MYO6: variants seen among roughly 807,000 people sequenced by gnomAD.
MYO6 encodes the protein unconventional myosin-VI.
Under a neutral mutation model 178.7 loss-of-function variants are expected in MYO6, and 74 were observed. The observed-to-expected ratio is 0.41, with a 90% confidence interval of 0.34 to 0.50. The LOEUF is 0.50. MYO6 is among the 20% of genes least tolerant of loss of function. The pLI is 0.09. For synonymous variants in MYO6, 477 were observed against 504.6 expected, an observed-to-expected ratio of 0.95 and a Z score of 0.73; for missense variants, 1,330 against 1,547.4, an observed-to-expected ratio of 0.86 and a Z score of 2.36.
chr6:75,791,066 T>TG (rs1768182809), intron 1 of MYO6, among the ~76,000 whole-genome samples: 1 of 152,094 alleles, frequency 6.6e-6, no homozygotes, highest in African/African-American at 2.4e-5. Flanking sequence ...CCCGAGTAGC[T>TG]GGACTACAGG....
At chr6:75,841,121 T>TA (rs1774178012) in intron 8 of MYO6, 93 bp from the exon 9 acceptor site, 8 of 1,108,408 alleles carry the variant, frequency 7.2e-6, no homozygotes, top group Non-Finnish European at 9.2e-6. Context: ...GATAGACAAA[T>TA]GGTATTAGAA....
chr6:75,866,275 C>CTGTGTGTGTGTGGG (rs554004002), intron 16 of MYO6, among the ~76,000 whole-genome samples: 8 of 119,132 alleles, frequency 6.7e-5, no homozygotes, highest in South Asian at 2.9e-4. Flanking sequence ...GTCTCTGTCT[C>CTGTGTGTGTGTGGG]TGTGTGTGTG....
chr6:75,809,973 C>G (rs189551762), intron 1 of MYO6, among the ~76,000 whole-genome samples: 39 of 149,882 alleles, frequency 2.6e-4, no homozygotes, highest in African/African-American at 9.3e-4. Flanking sequence ...AGTCCTAGCT[C>G]CTGTAGAGGC....
At chr6:75,845,038 T>G in intron 10 of MYO6, 61 bp downstream of exon 10, 2 of 1,360,722 alleles carry the variant, frequency 1.5e-6, no homozygotes, top group Non-Finnish European at 2.1e-6. Context: ...CTGAAAGATG[T>G]GTTATAATTT....
intron 1 of MYO6, among the ~76,000 whole-genome samples, chr6:75,806,835 C>T (rs541853812): frequency 2.6e-5 from 4 of 152,314 alleles, no homozygotes; most frequent in South Asian, 2.1e-4. Flanking sequence ...TTAATAAATA[C>T]GTGGGTAAAT....
At chr6:75,827,547 A>G (rs920860573) in intron 3 of MYO6, among the ~76,000 whole-genome samples, 3 of 152,162 alleles carry the variant, frequency 2.0e-5, no homozygotes, top group Non-Finnish European at 2.9e-5. Flanking sequence ...ACTTTAGTTA[A>G]TGTGCTGAGA....
At position 75,830,524 on chromosome 6, in the gene MYO6, C is replaced by A. The variant is rs1423194791; in HGVS notation, c.370C>A (p.Pro124Thr). ...TCAAGGAAAATCTCTTGGGACAAGA[C>A]CACCTCATGTCTTTGCAATTGGTAA... ...SYQGKSLGTR[P>T]PHVFAIADKA... Residue 124 changes from proline (P) to threonine (T), a missense_variant, in exon 5 of 35, where the codon CCA becomes ACA. Around this residue, in one of 3 missense-constraint regions of MYO6, gnomAD observed 613 missense variants for 816.8 expected, o/e 0.75. Transcript: ENST00000369977. The A allele has an allele frequency of 1.2e-6, 2 of 1,611,664 alleles. No homozygotes were observed. Among genetic ancestry groups the A allele is most frequent in the Non-Finnish European group, 1.7e-6 (2 of 1,178,068 alleles).
At chr6:75,772,615 A>G (rs1412475991) in intron 1 of MYO6, among the ~76,000 whole-genome samples, 2 of 152,216 alleles carry the variant, frequency 1.3e-5, no homozygotes, top group African/African-American at 4.8e-5. Flanking sequence ...GACTAAGAAC[A>G]CATGTGGAGA....
chr6:75,883,051 C>G (rs1778167705), intron 23 of MYO6, among the ~76,000 whole-genome samples: 1 of 152,136 alleles, frequency 6.6e-6, no homozygotes. Context: ...TAAAGGACAT[C>G]TGTTCATTGA....
At chr6:75,841,512 G>A in intron 9 of MYO6, 134 bp downstream of exon 9, 1 of 774,238 alleles carries the variant, frequency 1.3e-6, no homozygotes, top group Non-Finnish European at 2.0e-6. Flanking sequence ...AATGTAGCGA[G>A]ACCCTGTCTC....
intron 14 of MYO6, among the ~76,000 whole-genome samples, chr6:75,859,545 C>G (rs1438637759): frequency 6.6e-6 from 1 of 152,120 alleles, no homozygotes; most frequent in Admixed American, 6.5e-5. Context: ...AGTAATCTGC[C>G]TGCCTCATCT....
At chr6:75,865,126 C>CT (rs35354003) in intron 16 of MYO6, 25,765 of 144,892 alleles carry the variant, frequency 0.18, 2,357 homozygotes, top group Non-Finnish European at 0.21. Flanking sequence ...TTTTCTTTTT[C>CT]TTTTTTTTTT....
chr6:75,824,016 A>G (rs756942918), intron 3 of MYO6, among the ~76,000 whole-genome samples: 1 of 152,354 alleles, frequency 6.6e-6, no homozygotes, highest in Admixed American at 6.5e-5. Flanking sequence ...TAGCAATCAG[A>G]ATAAAATAAT....
intron 23 of MYO6, among the ~76,000 whole-genome samples, chr6:75,883,333 T>TA (rs34301292): frequency 0.4 from 60,260 of 151,866 alleles, 12,856 homozygotes; most frequent in Middle Eastern, 0.54. Context: ...AGATAGTCCA[T>TA]AGAGCTGGCT....
chr6:75,887,159 T>C lies in MYO6; in HGVS notation c.2658+165T>C, dbSNP rs117909229. Among the ~76,000 whole-genome samples, 36 of 152,344 alleles carry C rather than the reference T, an allele frequency of 2.4e-4. No homozygotes were observed. In the East Asian group the frequency reaches 6.5e-3, roughly 28 times the overall value. On this transcript the variant is annotated intron_variant, in intron 25 of 34. Transcript: ENST00000369977. ...GCTCATCATTATTACCTCTACTCTT[T>C]ATGTTTGAAAAATTTCATAGCAAAA...
At chr6:75,879,716 A>G in intron 20 of MYO6, 104 bp from the exon 21 acceptor site, 2 of 1,502,034 alleles carry the variant, frequency 1.3e-6, no homozygotes, top group Non-Finnish European at 1.9e-6. Context: ...AATTCTCATA[A>G]ATTGCCCGTT....
chr6:75,903,912 G>A (rs569072947), intron 30 of MYO6, among the ~76,000 whole-genome samples: 3 of 151,076 alleles, frequency 2.0e-5, no homozygotes, highest in Non-Finnish European at 3.0e-5. Context: ...AGCTCTTTTA[G>A]GGCAGGCCTG....
rs549508976 is a variant in MYO6 at position 75,907,751 on chromosome 6, G to T, written c.3280+43G>T. Reference sequence around the variant, plus strand: ...ATCAAAAATAGAAAATGTTCATAGTGATAGGTGATAAATACCTAGATTAGG... The same window carrying T: ...ATCAAAAATAGAAAATGTTCATAGTTATAGGTGATAAATACCTAGATTAGG... On this transcript the variant is annotated intron_variant, in intron 31 of 34. Coordinates refer to ENST00000369977, the MANE Select transcript of MYO6 (RefSeq NM_004999.4). The T allele has an allele frequency of 6.1e-6, 9 of 1,472,966 alleles. No individual in the cohort carries two copies. In the Admixed American group the frequency reaches 1.5e-4, roughly 25 times the overall value. The allele number at this position is 1,472,966 out of a possible 1,614,324, so 91.2% of individuals were successfully genotyped here.
At chr6:75,910,106 T>C (rs1347067108) in intron 32 of MYO6, among the ~76,000 whole-genome samples, 1 of 152,166 alleles carries the variant, frequency 6.6e-6, no homozygotes, top group Non-Finnish European at 1.5e-5. Context: ...GACACTGCTC[T>C]CTTCTCCAGT....
Sources: allele counts gnomAD v4.1 joint callset (sites outside exome capture counted in the v4.1 genomes callset), GRCh38; gene constraint gnomAD v4.1.1; regional missense constraint gnomAD v4.1.1; transcripts MANE v1.5; gene names NCBI Gene and HGNC (gene_info 2026-07-23, HGNC 2026-07-21).